SLC22A14: variants seen among roughly 807,000 people sequenced by gnomAD.
SLC22A14 encodes the protein organic cation transporter-like 4.
A neutral mutation model predicts 53.9 loss-of-function variants in SLC22A14; 50 were observed. The ratio of observed to expected loss-of-function variants is 0.93; its 90% CI spans 0.74 to 1.17. The LOEUF (loss-of-function observed/expected upper bound fraction) is 1.17, where lower values mean the gene tolerates loss of function less well. Ranked by LOEUF, SLC22A14 falls within the 50% of genes most tolerant of loss-of-function variation. The pLI is 0.00. For synonymous variants in SLC22A14, 312 were observed against 303.0 expected (o/e 1.03, Z -0.31); for missense variants, 671 against 734.7 (o/e 0.91, Z 1.00).
upstream of SLC22A14, among the ~76,000 whole-genome samples, chr3:38,279,174 A>G (rs1703620495): frequency 6.6e-6 from 1 of 152,116 alleles, no homozygotes; most frequent in African/African-American, 2.4e-5. Flanking sequence ...CTCACTCACG[A>G]TTCTCAGCTT....
chr3:38,301,519 T>C (rs1434599726), intron 1 of SLC22A14, among the ~76,000 whole-genome samples: 3 of 152,258 alleles, frequency 2.0e-5, no homozygotes, highest in Non-Finnish European at 4.4e-5. Flanking sequence ...AATTGACTTT[T>C]ATGTATTCAC....
In SLC22A14 at chr3:38,307,136, C is replaced by A; in HGVS notation, c.517-118C>A. 1.3e-6 allele frequency: 1 copy of A among 752,866 alleles called. No homozygotes were observed. The highest frequency in any genetic ancestry group is 1.8e-5 in the Admixed American group (1 of 55,228). 46.6% of individuals were successfully genotyped at this position (752,866 alleles called of 1,614,324 possible). On this transcript the variant is annotated intron_variant, in intron 2 of 10. Coordinates refer to ENST00000448498, the MANE Select transcript of SLC22A14 (RefSeq NM_001320033.2). The surrounding 1 kb of genome is among the most constrained non-coding windows in gnomAD (Gnocchi z 4.4). ...GAGGCAACAGCTGAGGCACGCTGCA[C>A]ACTGTTAACTGCCCCTACCCCAGGT...
chr3:38,295,784 CTG>C (rs1418945476), intron 1 of SLC22A14, among the ~76,000 whole-genome samples: 2 of 145,228 alleles, frequency 1.4e-5, no homozygotes, highest in East Asian at 4.3e-4. Flanking sequence ...CTGTCTCTGT[CTG>C]TCTCTCTCTC....
In SLC22A14 at chr3:38,295,865, T is replaced by C. The variant is rs538197050; in HGVS notation, c.1-10162T>C. On this transcript the variant is annotated intron_variant, in intron 1 of 10. Coordinates refer to ENST00000448498, the MANE Select transcript of SLC22A14 (RefSeq NM_001320033.2). ...TTAGCCATTTACAAACTTGGGGCCC[T>C]GGCAAGGATGGTGGGGAATGGGTTT... is the stretch of plus-strand genomic sequence containing the variant. Among the ~76,000 whole-genome samples, 12 of 151,344 alleles carry C rather than the reference T, an allele frequency of 7.9e-5. No homozygotes were observed. In the East Asian group the frequency reaches 2.4e-3, roughly 30 times the overall value.
intron 1 of SLC22A14, among the ~76,000 whole-genome samples, chr3:38,301,691 C>A (rs965769242): frequency 5.3e-5 from 8 of 151,416 alleles, no homozygotes; most frequent in Admixed American, 5.3e-4. Flanking sequence ...TAATTGTGGG[C>A]ATCTTTGTCT....
chr3:38,307,494 C>A lies in SLC22A14; in HGVS notation c.621-72C>A. 1 of 1,595,198 alleles carries A rather than the reference C, an allele frequency of 6.3e-7. No individual in the cohort carries two copies. The highest frequency in any genetic ancestry group is 8.6e-7 in the Non-Finnish European group (1 of 1,167,028). ...GACCCATGGATGGCTCAGGGCCTGG[C>A]CCAGGTGTATCCGGCTGGGGCCAGC... On this transcript the variant is annotated intron_variant, in intron 3 of 10. Coordinates refer to ENST00000448498, the MANE Select transcript of SLC22A14 (RefSeq NM_001320033.2). The surrounding 1 kb of genome is among the most constrained non-coding windows in gnomAD (Gnocchi z 4.4).
At chr3:38,282,426 C>G (rs1336647398) in intron 1 of SLC22A14, 87 bp downstream of exon 1, 1 of 152,322 alleles carries the variant, frequency 6.6e-6, no homozygotes. Flanking sequence ...TGACCCCTGG[C>G]AATTTTGCGG....
intron 1 of SLC22A14, among the ~76,000 whole-genome samples, chr3:38,285,141 G>T (rs1189994582): frequency 6.6e-6 from 1 of 152,188 alleles, no homozygotes; most frequent in African/African-American, 2.4e-5. Flanking sequence ...GTGAAGATGA[G>T]TTTTGGCTGT....
At chr3:38,298,000 T>A (rs1704076975) in intron 1 of SLC22A14, among the ~76,000 whole-genome samples, 2 of 152,338 alleles carry the variant, frequency 1.3e-5, no homozygotes, top group East Asian at 3.9e-4. Flanking sequence ...TCTACACTTA[T>A]TACTGCGGGA....
rs192485797 is a variant in SLC22A14, at chr3:38,307,953, G to A, written c.775+233G>A. On this transcript the variant is annotated intron_variant, in intron 4 of 10. Coordinates refer to ENST00000448498, the MANE Select transcript of SLC22A14 (RefSeq NM_001320033.2). This position sits in a 1 kb window ranked among gnomAD's most constrained non-coding sequence, Gnocchi z 4.4. ...ACAGGCAGAAGTGGAAGGGATCTCC[G>A]TTCCTGGCTGCCTGGAGATGTCAGA... The A allele has an allele frequency of 1.1e-3, 613 of 556,922 alleles. No homozygotes were observed. The highest frequency in any genetic ancestry group is 1.3e-3 in the Non-Finnish European group (398 of 310,496). The allele number at this position is 556,922 out of a possible 1,614,324, so 34.5% of individuals were successfully genotyped here.
chr3:38,301,350 C>T (rs1401406253), intron 1 of SLC22A14, among the ~76,000 whole-genome samples: 1 of 152,204 alleles, frequency 6.6e-6, no homozygotes, highest in African/African-American at 2.4e-5. Context: ...TTCCCCACAG[C>T]CTCATCAACA....
chr3:38,291,729 G>A (rs938638931), intron 1 of SLC22A14, among the ~76,000 whole-genome samples: 13 of 152,166 alleles, frequency 8.5e-5, no homozygotes, highest in African/African-American at 2.4e-4. Context: ...GTCTTGCCCC[G>A]TTGGCAAGTT....
Position 38,306,200 on chromosome 3 carries a change from G to A in SLC22A14, c.174G>A (p.Ala58=), listed in dbSNP as rs200420643. 32 of 1,614,166 alleles carry A rather than the reference G, an allele frequency of 2.0e-5. No homozygotes were observed. Among genetic ancestry groups the A allele is most frequent in the East Asian group, 6.7e-5 (3 of 44,880 alleles). The part of the protein sequence containing the change: ...QDDKFANLLD[A]VGEFGTFQQR... ...ACAAGTTTGCCAACCTCCTGGATGC[G>A]GTGGGGGAGTTTGGCACATTCCAGC... Residue 58 remains alanine, a synonymous_variant, in exon 2 of 11, where the codon GCG becomes GCA. Coordinates refer to ENST00000448498, the MANE Select transcript of SLC22A14 (RefSeq NM_001320033.2).
At chr3:38,305,670 C>A in intron 1 of SLC22A14, 1 of 217,090 alleles carries the variant, frequency 4.6e-6, no homozygotes, top group South Asian at 1.1e-4. Context: ...TCCCTAGAGA[C>A]CTCTCCTACC....
At chr3:38,297,505 A>T (rs78401976) in intron 1 of SLC22A14, among the ~76,000 whole-genome samples, 9,752 of 152,088 alleles carry the variant, frequency 0.064, 371 homozygotes, top group East Asian at 0.16. Flanking sequence ...CAGGATGTGC[A>T]GATTTGTTAC....
chr3:38,303,854 A>T (rs1465532935), intron 1 of SLC22A14: 1 of 152,086 alleles, frequency 6.6e-6, no homozygotes. Flanking sequence ...TTCCAATTTT[A>T]GTATATGTGC....
At chr3:38,309,710 G>C (rs1308956879) in intron 5 of SLC22A14, among the ~76,000 whole-genome samples, 1 of 152,144 alleles carries the variant, frequency 6.6e-6, no homozygotes. Context: ...GAGAACAAAA[G>C]TGAGATGCCA....
rs1023677383 is a variant in SLC22A14, at chr3:38,308,965, T to G, written c.787T>G (p.Leu263Val). The G allele has an allele frequency of 6.2e-7, 1 of 1,613,966 alleles. No homozygotes were observed. Among genetic ancestry groups the G allele is most frequent in the Non-Finnish European group, 8.5e-7 (1 of 1,179,868 alleles). The change falls in exon 5 of 11, where the codon TTA becomes GTA. Residue 263 changes from leucine to valine, a missense_variant. Coordinates refer to ENST00000448498, the MANE Select transcript of SLC22A14 (RefSeq NM_001320033.2). The stretch of plus-strand genomic sequence containing the variant: ...TGGCCTCTGCACAGCCACTGAGTGG[T>G]TAGTGGGTGAGCACCGGGCCCATGC... ...ISSISLATEW[L>V]VGEHRAHAII...
intron 1 of SLC22A14, among the ~76,000 whole-genome samples, chr3:38,298,352 C>A (rs1278677487): frequency 2.0e-5 from 3 of 152,144 alleles, no homozygotes; most frequent in Admixed American, 2.0e-4. Context: ...ACTAGGTGTG[C>A]TCATTGCTAC....
Sources: gnomAD v4.1 joint callset for allele counts (sites outside exome capture counted in the v4.1 genomes callset) on GRCh38, gnomAD v4.1.1 for gene constraint, Gnocchi (gnomAD v3.1) non-coding constraint, MANE v1.5 for transcripts, NCBI Gene and HGNC (gene_info 2026-07-23, HGNC 2026-07-21) for gene names.